MID2: variants seen among roughly 807,000 people sequenced by gnomAD.
MID2 encodes midline 2.
In MID2, 13 loss-of-function variants were observed where a neutral mutation model predicts 46.1. That is an observed-to-expected ratio of 0.28 (90% CI 0.18 to 0.45). The LOEUF (loss-of-function observed/expected upper bound fraction) is 0.45, where lower values mean the gene tolerates loss of function less well. Ranked by LOEUF, MID2 falls within the 20% of genes least tolerant of loss-of-function variation. The pLI is 1.00. For missense variants in MID2, 431 were observed against 575.4 expected, an observed-to-expected ratio of 0.75 and a Z score of 2.57; for synonymous variants, 199 against 212.3, an observed-to-expected ratio of 0.94 and a Z score of 0.55.
At chrX:107,870,864 T>C (rs1047834686) in intron 3 of MID2, among the ~76,000 whole-genome samples, 4 of 110,433 alleles carry the variant, frequency 3.6e-5, no homozygotes, top group African/African-American at 1.3e-4. Context: ...TTTTGTTTTA[T>C]TTTCTCCCTT....
At chrX:107,865,183 G>A (rs1347680037) in intron 3 of MID2, among the ~76,000 whole-genome samples, 1 of 112,054 alleles carries the variant, frequency 8.9e-6, no homozygotes, top group East Asian at 2.8e-4. Flanking sequence ...ACAACCCATG[G>A]CTCCATGTGC....
rs1193231594 is a variant in MID2, at chrX:107,917,740, G to A, written c.1435+1G>A. ...TCAAGATTGGCCGGGGCGCCACGAGGCAAGTGTTTGTAAGACATGTTAGGT... is the reference window on the plus strand; with the variant it reads ...TCAAGATTGGCCGGGGCGCCACGAGACAAGTGTTTGTAAGACATGTTAGGT... On this transcript the variant is annotated splice_donor_variant, in intron 7 of 9. Coordinates refer to ENST00000262843, the MANE Select transcript of MID2 (RefSeq NM_012216.4). LOFTEE classifies it high-confidence loss of function. The A allele has an allele frequency of 3.3e-6, 4 of 1,203,870 alleles. No homozygotes were observed. The Admixed American group carries it at 6.5e-5, about 20-fold the overall frequency.
At chrX:107,854,251 GATA>G (rs1931693633) in intron 2 of MID2, among the ~76,000 whole-genome samples, 1 of 112,113 alleles carries the variant, frequency 8.9e-6, no homozygotes, top group African/African-American at 3.2e-5. Context: ...CTGGAAAAGA[GATA>G]ATAATATCTG....
Position 107,840,704 on chromosome X carries a change from A to C in MID2, c.39A>C (p.Ser13=). The change falls in exon 2 of 10, where the codon TCA becomes TCC. Residue 13 remains serine (S), a synonymous_variant. Coordinates refer to ENST00000262843, the MANE Select transcript of MID2 (RefSeq NM_012216.4). ...CAGCCTCCGTGGTTCTTAATGCCTC[A>C]GGAGGACTATTTTCACTAAAGATGG... is the stretch of plus-strand genomic sequence containing the variant. ...ESPASVVLNA[S]GGLFSLKMET... The C allele has an allele frequency of 8.3e-7, 1 of 1,211,079 alleles. No homozygotes were observed. The highest frequency in any genetic ancestry group is 1.1e-6 in the Non-Finnish European group (1 of 894,905).
intron 1 of MID2, among the ~76,000 whole-genome samples, chrX:107,839,889 T>A (rs1370119470): frequency 8.9e-6 from 1 of 112,227 alleles, no homozygotes; most frequent in East Asian, 2.8e-4. Context: ...CAATATGACT[T>A]TATTATTGAT....
intron 3 of MID2, among the ~76,000 whole-genome samples, chrX:107,883,257 G>A (rs950128862): frequency 9.0e-6 from 1 of 111,118 alleles, no homozygotes; most frequent in Non-Finnish European, 1.9e-5. Flanking sequence ...TGTAGGTGAC[G>A]GGTTGATGGG....
At chrX:107,862,815 G>C (rs1931888214) in intron 3 of MID2, among the ~76,000 whole-genome samples, 1 of 112,211 alleles carries the variant, frequency 8.9e-6, no homozygotes, top group South Asian at 3.7e-4. Context: ...ATTTTTGTTA[G>C]AGATGGAAGA....
chrX:107,904,123 T>C, intron 4 of MID2, 58 bp downstream of exon 4: 1 of 792,323 alleles, frequency 1.3e-6, no homozygotes, highest in Non-Finnish European at 1.9e-6. Flanking sequence ...ATATCAAAGT[T>C]TGATCCAGAT....
chrX:107,912,747 CTT>C (rs1229582080), intron 5 of MID2, among the ~76,000 whole-genome samples: 1 of 111,123 alleles, frequency 9.0e-6, no homozygotes, highest in Non-Finnish European at 1.9e-5. Context: ...TCTGAATCTT[CTT>C]TGCATAGGCT....
intron 5 of MID2, among the ~76,000 whole-genome samples, chrX:107,915,327 C>T (rs1218715726): frequency 8.9e-6 from 1 of 111,857 alleles, no homozygotes; most frequent in Non-Finnish European, 1.9e-5. Context: ...GAGGCCAAAA[C>T]GGGTGGATCA....
At chrX:107,847,555 T>TA (rs1931519258) in intron 2 of MID2, among the ~76,000 whole-genome samples, 1 of 111,791 alleles carries the variant, frequency 8.9e-6, no homozygotes, top group African/African-American at 3.3e-5. Flanking sequence ...GGAGATGTCT[T>TA]GAAGGATGGT....
intron 5 of MID2, among the ~76,000 whole-genome samples, chrX:107,915,034 A>G (rs1932945853): frequency 8.9e-6 from 1 of 112,389 alleles, no homozygotes; most frequent in Non-Finnish European, 1.9e-5. Flanking sequence ...AGCATTGTAT[A>G]TACTAAGCAC....
rs1933201775 is a variant in MID2 at position 107,927,363 on chromosome X, A to G, written c.*290A>G. ...TAAAAATTCCCAATGATTTAAGAAT[A>G]TAAATTATATTGGAAGCAATTAGGG... On this transcript the variant is annotated 3_prime_UTR_variant, in exon 10 of 10. Transcript: ENST00000262843. Among the ~76,000 whole-genome samples, 1 of 111,790 alleles carries G rather than the reference A, an allele frequency of 8.9e-6. No individual in the cohort carries two copies. The highest frequency in any genetic ancestry group is 1.9e-5 in the Non-Finnish European group (1 of 53,145).
intron 3 of MID2, among the ~76,000 whole-genome samples, chrX:107,866,225 A>C (rs540308902): frequency 1.3e-3 from 142 of 112,166 alleles, no homozygotes; most frequent in South Asian, 5.9e-3. Flanking sequence ...GGAGGATTCC[A>C]TTGGCTTTAG....
chrX:107,858,108 G>T (rs754006484), intron 3 of MID2, among the ~76,000 whole-genome samples: 3 of 112,264 alleles, frequency 2.7e-5, no homozygotes, highest in African/African-American at 9.7e-5. Flanking sequence ...CAGAAACAGA[G>T]ATTAAGATCA....
At chrX:107,837,643 T>A (rs1212856723) in intron 1 of MID2, among the ~76,000 whole-genome samples, 1 of 106,199 alleles carries the variant, frequency 9.4e-6, no homozygotes, top group African/African-American at 3.4e-5. Flanking sequence ...TAAACCTCAG[T>A]GAAGGAGGTG....
At chrX:107,836,885 T>C (rs1425450221) in intron 1 of MID2, among the ~76,000 whole-genome samples, 1 of 112,170 alleles carries the variant, frequency 8.9e-6, no homozygotes, top group Admixed American at 9.4e-5. Flanking sequence ...AGTAACTATC[T>C]TAAAATATTC....
At chrX:107,862,427 G>A (rs752828584) in intron 3 of MID2, among the ~76,000 whole-genome samples, 4 of 111,977 alleles carry the variant, frequency 3.6e-5, no homozygotes, top group South Asian at 3.8e-4. Context: ...TGAAATTGCA[G>A]CAGCAAAAAT....
chrX:107,875,430 G>A (rs771911804), intron 3 of MID2, among the ~76,000 whole-genome samples: 26 of 111,610 alleles, frequency 2.3e-4, no homozygotes, highest in African/African-American at 7.2e-4. Context: ...TATCAATGAT[G>A]GCTTCTAGTC....
Sources: gnomAD v4.1 joint callset for allele counts (sites outside exome capture counted in the v4.1 genomes callset) on GRCh38, gnomAD v4.1.1 for gene constraint, MANE v1.5 for transcripts, NCBI Gene and HGNC (gene_info 2026-07-23, HGNC 2026-07-21) for gene names.